Variants in KIF16B observed in about 807,000 individuals in gnomAD.
KIF16B encodes kinesin-like protein KIF16B.
KIF16B carries 98 observed loss-of-function variants against 156.3 expected under a neutral mutation model. The observed-to-expected ratio is 0.63, with a 90% confidence interval of 0.53 to 0.74. The LOEUF is 0.74. Ranked by LOEUF, KIF16B falls within the 30% of genes least tolerant of loss-of-function variation. The probability of loss-of-function intolerance (pLI) is 0.00; values close to 1 mark genes in which losing one functional copy is unlikely to be tolerated. For synonymous variants in KIF16B, 564 were observed against 583.7 expected (o/e 0.97, Z 0.49); for missense variants, 1,421 against 1,606.5 (o/e 0.88, Z 1.97).
In KIF16B at chr20:16,305,052, T is replaced by C. The variant is rs547831786; in HGVS notation, c.3795+7283A>G. On this transcript the variant is annotated intron_variant, in intron 25 of 25. Coordinates refer to ENST00000354981, the MANE Select transcript of KIF16B (RefSeq NM_024704.5). ...ATAAGTCATTTGAACTACCGAGACTTTATTTTGGAAACAGTTCTTCACTTA... is the reference window on the plus strand; with the variant it reads ...ATAAGTCATTTGAACTACCGAGACTCTATTTTGGAAACAGTTCTTCACTTA... 1.2e-3 allele frequency among the ~76,000 whole-genome samples: 189 copies of C among 152,244 alleles called. 1 individual carries two copies. The highest frequency in any genetic ancestry group is 4.1e-3 in the African/African-American group (170 of 41,552).
intron 3 of KIF16B, 31 bp from the exon 4 acceptor site, chr20:16,515,695 C>T (rs2069121307): frequency 8.3e-7 from 1 of 1,208,434 alleles, no homozygotes; most frequent in Non-Finnish European, 1.2e-6. Flanking sequence ...ACAAAAGATA[C>T]AATTATCATA....
chr20:16,319,756 G>A (rs73234361), intron 24 of KIF16B, among the ~76,000 whole-genome samples: 6,114 of 152,234 alleles, frequency 0.04, 395 homozygotes, highest in African/African-American at 0.14. Flanking sequence ...GCCCCACCAG[G>A]TTCTCACTGT....
chr20:16,373,458 G>A lies in KIF16B; in HGVS notation c.3350+799C>T, dbSNP rs6131817. On this transcript the variant is annotated intron_variant, in intron 20 of 25. Transcript: ENST00000354981. ...CTTACAGGCAAAGAATAATTAAGCTGATTTTTCTAAGGGCTCTAAGCCACA... is the reference window on the plus strand; with the variant it reads ...CTTACAGGCAAAGAATAATTAAGCTAATTTTTCTAAGGGCTCTAAGCCACA... Among the ~76,000 whole-genome samples, 1,115 of 152,272 alleles carry A rather than the reference G, an allele frequency of 7.3e-3. 51 individuals carry two copies. The highest frequency in any genetic ancestry group is 0.049 in the East Asian group (253 of 5,184).
intron 10 of KIF16B, among the ~76,000 whole-genome samples, chr20:16,500,442 A>T (rs914402065): frequency 9.9e-5 from 15 of 152,072 alleles, no homozygotes; most frequent in Admixed American, 9.2e-4. Flanking sequence ...GTTAGAGCAA[A>T]TTTTCATTAT....
intron 12 of KIF16B, among the ~76,000 whole-genome samples, chr20:16,460,354 G>A (rs1388835704): frequency 6.6e-6 from 1 of 152,268 alleles, no homozygotes; most frequent in African/African-American, 2.4e-5. Flanking sequence ...GCCAAGGCAG[G>A]TGGATCACTT....
intron 25 of KIF16B, among the ~76,000 whole-genome samples, chr20:16,293,925 G>T (rs560931441): frequency 1.3e-5 from 2 of 152,206 alleles, no homozygotes; most frequent in South Asian, 4.2e-4. Flanking sequence ...AGGGGCTGCG[G>T]GGGGTGCATG....
chr20:16,398,749 C>G (rs913781130), intron 17 of KIF16B, among the ~76,000 whole-genome samples: 1 of 152,032 alleles, frequency 6.6e-6, no homozygotes, highest in East Asian at 1.9e-4. Context: ...GAGCCAATTG[C>G]GGAAGGAAAA....
rs564822561 is a variant in KIF16B, at chr20:16,448,264, G to A, written c.1303-18282C>T. Among the ~76,000 whole-genome samples the A allele has an allele frequency of 2.0e-5, 3 of 152,292 alleles. No homozygotes were observed. In the South Asian group the frequency reaches 6.2e-4, roughly 32 times the overall value. ...GGGCGGAAAGAAAGCTGTGCACAGT[G>A]TCCTACAAAGAAGAGAGTTTTTCAT... is the stretch of plus-strand genomic sequence containing the variant. On this transcript the variant is annotated intron_variant, in intron 12 of 25. Coordinates refer to ENST00000354981, the MANE Select transcript of KIF16B (RefSeq NM_024704.5).
intron 21 of KIF16B, 67 bp from the exon 22 acceptor site, chr20:16,370,703 G>T: frequency 5.3e-6 from 6 of 1,136,650 alleles, no homozygotes; most frequent in Non-Finnish European, 2.5e-6. Context: ...GGACTGATTC[G>T]ATTACAAGTA....
At chr20:16,569,281 A>G (rs2071373879) in intron 1 of KIF16B, among the ~76,000 whole-genome samples, 1 of 152,172 alleles carries the variant, frequency 6.6e-6, no homozygotes, top group South Asian at 2.1e-4. Flanking sequence ...CTGTCTCCCA[A>G]TCTGTAAAAT....
intron 12 of KIF16B, among the ~76,000 whole-genome samples, chr20:16,460,992 G>A (rs1216063520): frequency 6.6e-6 from 1 of 152,028 alleles, no homozygotes; most frequent in Non-Finnish European, 1.5e-5. Flanking sequence ...TGTGTAAGAT[G>A]CTGCCAAATT....
At chr20:16,567,983 C>G (rs1053863906) in intron 1 of KIF16B, among the ~76,000 whole-genome samples, 2 of 152,184 alleles carry the variant, frequency 1.3e-5, no homozygotes, top group Non-Finnish European at 2.9e-5. Context: ...TACCTGGTAC[C>G]TGGCAGTGCC....
chr20:16,548,712 T>G lies in KIF16B; in HGVS notation c.48-20272A>C, dbSNP rs369692889. 9.2e-5 allele frequency among the ~76,000 whole-genome samples: 14 copies of G among 152,274 alleles called. No homozygotes were observed. In the East Asian group the frequency reaches 2.3e-3, roughly 25 times the overall value. On this transcript the variant is annotated intron_variant, in intron 1 of 25. Coordinates refer to ENST00000354981, the MANE Select transcript of KIF16B (RefSeq NM_024704.5). ...CTGTCTTCACAAAACCGGTCCCTGG[T>G]GCCAAGAAGTCTCAGGACCACTGCT...
intron 24 of KIF16B, among the ~76,000 whole-genome samples, chr20:16,326,581 A>G (rs964468109): frequency 5.3e-5 from 8 of 152,142 alleles, no homozygotes; most frequent in Non-Finnish European, 1.0e-4. Context: ...GCTCAACATC[A>G]CTAATTATCA....
At chr20:16,424,495 C>T (rs1248224327) in intron 15 of KIF16B, among the ~76,000 whole-genome samples, 2 of 152,120 alleles carry the variant, frequency 1.3e-5, no homozygotes, top group African/African-American at 2.4e-5. Context: ...TCTCCAATTC[C>T]TATGTCACAA....
chr20:16,350,445 G>C (rs1209418749), intron 23 of KIF16B, among the ~76,000 whole-genome samples: 2 of 152,118 alleles, frequency 1.3e-5, no homozygotes, highest in African/African-American at 4.8e-5. Context: ...GGAAAGCCAA[G>C]ACAAAACAGA....
intron 10 of KIF16B, among the ~76,000 whole-genome samples, chr20:16,503,628 C>G (rs1452797722): frequency 6.6e-6 from 1 of 152,202 alleles, no homozygotes; most frequent in Non-Finnish European, 1.5e-5. Flanking sequence ...AGGAGGGTAA[C>G]TCCAGTCTAA....
At chr20:16,524,111 T>A (rs928207611) in intron 3 of KIF16B, among the ~76,000 whole-genome samples, 1 of 152,174 alleles carries the variant, frequency 6.6e-6, no homozygotes, top group African/African-American at 2.4e-5. Flanking sequence ...GACATAGGCA[T>A]GGGCAAAGAT....
At chr20:16,428,921 A>T in intron 14 of KIF16B, 32 bp downstream of exon 14, 2 of 1,592,554 alleles carry the variant, frequency 1.3e-6, no homozygotes, top group Non-Finnish European at 1.7e-6. Flanking sequence ...TTAAAAAATC[A>T]TTGGGAACAG....
Sources: gnomAD v4.1 joint callset for allele counts (sites outside exome capture counted in the v4.1 genomes callset) on GRCh38, gnomAD v4.1.1 for gene constraint, MANE v1.5 for transcripts, NCBI Gene and HGNC (gene_info 2026-07-23, HGNC 2026-07-21) for gene names.